Variants in SLCO1C1 observed in about 807,000 individuals in gnomAD.
SLCO1C1 encodes OAT-RP-5.
In SLCO1C1, 70 loss-of-function variants were observed where a neutral mutation model predicts 76.4. That is an observed-to-expected ratio of 0.92 (90% CI 0.76 to 1.12). SLCO1C1 has a LOEUF of 1.12. SLCO1C1 is among the 50% of genes most tolerant of loss of function. SLCO1C1 has a pLI of 0.00. For synonymous variants in SLCO1C1, 306 were observed against 286.1 expected (o/e 1.07, Z -0.70); for missense variants, 912 against 823.8 (o/e 1.11, Z -1.31).
At chr12:20,749,716 C>A (rs1003012209) in intron 13 of SLCO1C1, among the ~76,000 whole-genome samples, 1 of 152,134 alleles carries the variant, frequency 6.6e-6, no homozygotes, top group African/African-American at 2.4e-5. Context: ...GGGTTTCTGG[C>A]ATGAATAAGG....
intron 3 of SLCO1C1, among the ~76,000 whole-genome samples, chr12:20,704,165 A>C (rs1184873668): frequency 2.0e-5 from 3 of 151,530 alleles, no homozygotes; most frequent in Non-Finnish European, 3.0e-5. Context: ...TTATATTTCA[A>C]ATGTATCTCC....
intron 7 of SLCO1C1, among the ~76,000 whole-genome samples, chr12:20,719,196 G>A (rs11834422): frequency 0.036 from 5,394 of 151,570 alleles, 328 homozygotes; most frequent in African/African-American, 0.12. Flanking sequence ...TTGTTTTGGG[G>A]CACCACAATT....
At chr12:20,709,472 T>A (rs1322803621) in intron 4 of SLCO1C1, among the ~76,000 whole-genome samples, 1 of 152,234 alleles carries the variant, frequency 6.6e-6, no homozygotes, top group Non-Finnish European at 1.5e-5. Context: ...TCACCATCCA[T>A]ACTTACTTCA....
At chr12:20,699,802 T>TA (rs34457843) in intron 2 of SLCO1C1, 97 bp downstream of exon 2, 66,143 of 1,016,710 alleles carry the variant, frequency 0.065, 365 homozygotes, top group African/African-American at 0.12. Flanking sequence ...TTTTCTCCTT[T>TA]AAAAAAAAAA....
intron 7 of SLCO1C1, among the ~76,000 whole-genome samples, chr12:20,717,711 A>T: frequency 5.5e-5 from 5 of 90,526 alleles, no homozygotes; most frequent in Admixed American, 1.6e-4. Flanking sequence ...AGTCATTTTT[A>T]GGTGGAAGCA....
intron 3 of SLCO1C1, among the ~76,000 whole-genome samples, chr12:20,702,689 G>A (rs1289009512): frequency 6.6e-6 from 1 of 151,742 alleles, no homozygotes. Flanking sequence ...TGATGGCCCT[G>A]CACTGAGTGA....
At chr12:20,750,248 G>A (rs1272614700) in intron 13 of SLCO1C1, among the ~76,000 whole-genome samples, 1 of 152,178 alleles carries the variant, frequency 6.6e-6, no homozygotes, top group East Asian at 1.9e-4. Context: ...AGTGGGAATG[G>A]AAAGAAGAGA....
chr12:20,722,922 C>T (rs555026556), intron 8 of SLCO1C1, among the ~76,000 whole-genome samples, 168 bp from the exon 9 acceptor site: 24 of 152,330 alleles, frequency 1.6e-4, no homozygotes, highest in African/African-American at 5.3e-4. Flanking sequence ...GCAGGCTTGA[C>T]GCATGCCAGT....
chr12:20,751,829 C>A (rs1029154852), intron 14 of SLCO1C1, among the ~76,000 whole-genome samples: 1 of 152,104 alleles, frequency 6.6e-6, no homozygotes, highest in Non-Finnish European at 1.5e-5. Flanking sequence ...ATTCTGAAAT[C>A]ATTCTGCTTT....
At chr12:20,741,516 C>A (rs1358211448) in intron 12 of SLCO1C1, among the ~76,000 whole-genome samples, 2 of 152,130 alleles carry the variant, frequency 1.3e-5, no homozygotes, top group Non-Finnish European at 2.9e-5. Context: ...TGATAACCAA[C>A]ATCACCTGGG....
At chr12:20,700,341 C>A (rs751036397) in intron 2 of SLCO1C1, 1 of 151,604 alleles carries the variant, frequency 6.6e-6, no homozygotes, top group Non-Finnish European at 1.5e-5. Context: ...TTTTCATATA[C>A]CTGTTGGCCA....
intron 4 of SLCO1C1, among the ~76,000 whole-genome samples, chr12:20,707,203 T>A (rs1565502909): frequency 6.6e-6 from 1 of 152,086 alleles, no homozygotes; most frequent in East Asian, 1.9e-4. Context: ...TTGGACAACA[T>A]CCTTTCATAG....
In SLCO1C1 at chr12:20,717,156, T is replaced by C. The variant is rs1335083367; in HGVS notation, c.701T>C (p.Ile234Thr). 2 of 1,604,514 alleles carry C rather than the reference T, an allele frequency of 1.2e-6. No individual in the cohort carries two copies. The highest frequency in any genetic ancestry group is 1.7e-5 in the Admixed American group (1 of 58,024). Residue 234 changes from isoleucine to threonine, a missense_variant, in exon 7 of 15, where the codon ATA becomes ACA. Transcript: ENST00000266509. ...GGGTGTGTGCAGACGGTTGCAATTA[T>C]AGGACCAATCTTTGGTTTCCTGTTA... Reference protein sequence around the residue: ...YIGCVQTVAIIGPIFGFLLGS... With the variant: ...YIGCVQTVAITGPIFGFLLGS...
At chr12:20,712,484 G>T (rs1947157905) in intron 5 of SLCO1C1, among the ~76,000 whole-genome samples, 1 of 152,116 alleles carries the variant, frequency 6.6e-6, no homozygotes, top group South Asian at 2.1e-4. Flanking sequence ...CGCAGTACAG[G>T]CAGGGAGAGC....
chr12:20,752,095 G>A (rs1949333672), intron 14 of SLCO1C1, among the ~76,000 whole-genome samples: 1 of 152,132 alleles, frequency 6.6e-6, no homozygotes, highest in Non-Finnish European at 1.5e-5. Context: ...TATGTAATTA[G>A]TAGTAACTAA....
chr12:20,737,191 C>A lies in SLCO1C1; in HGVS notation c.1467C>A (p.Pro489=). The change falls in exon 11 of 15, where the codon CCC becomes CCA. Residue 489 remains proline (P), a synonymous_variant. Transcript: ENST00000266509. ...RCKCSETKWE[P]MCGENGITYV... is the part of the protein sequence containing the mutation. ...AATGTTCAGAGACAAAATGGGAACCCATGTGCGGTGAAAATGGAATCACAT... is the reference window on the plus strand; with the variant it reads ...AATGTTCAGAGACAAAATGGGAACCAATGTGCGGTGAAAATGGAATCACAT... 6.4e-7 allele frequency: 1 copy of A among 1,570,822 alleles called. No homozygotes were observed. Among genetic ancestry groups the A allele is most frequent in the Non-Finnish European group, 8.6e-7 (1 of 1,164,678 alleles).
rs914716854 is a variant in SLCO1C1, at chr12:20,721,839, G to A, written c.811G>A (p.Val271Ile). 1.2e-6 allele frequency: 2 copies of A among 1,614,024 alleles called. No individual in the cohort carries two copies. The highest frequency in any genetic ancestry group is 2.7e-5 in the African/African-American group (2 of 74,924). The change falls in exon 8 of 15, where the codon GTA becomes ATA. Residue 271 changes from valine to isoleucine, a missense_variant. Transcript: ENST00000266509. ...CATTACCCCAAAAGATCCCCAGTGG[G>A]TAGGAGCCTGGTGGCTTGGCTATCT... Reference protein sequence around the residue: ...ITITPKDPQWVGAWWLGYLIA... With the variant: ...ITITPKDPQWIGAWWLGYLIA...
At chr12:20,716,335 G>C (rs145966544) in intron 6 of SLCO1C1, among the ~76,000 whole-genome samples, 6 of 152,302 alleles carry the variant, frequency 3.9e-5, no homozygotes, top group Middle Eastern at 3.4e-3. Flanking sequence ...GCATACAGGT[G>C]CTTAGGTGTG....
chr12:20,712,178 C>T (rs11045402), intron 5 of SLCO1C1, among the ~76,000 whole-genome samples: 24,035 of 152,078 alleles, frequency 0.16, 2,124 homozygotes, highest in African/African-American at 0.22. Context: ...ATGGAAATAA[C>T]TCTATTTTTC....
Sources: allele counts gnomAD v4.1 joint callset (sites outside exome capture counted in the v4.1 genomes callset), GRCh38; gene constraint gnomAD v4.1.1; transcripts MANE v1.5; gene names NCBI Gene and HGNC (gene_info 2026-07-23, HGNC 2026-07-21).